The following ZNF142 variants were observed in gnomAD, a reference collection of about 807,000 sequenced individuals.
ZNF142 encodes zinc finger protein 142 (clone pHZ-49).
Under a neutral mutation model 132.1 loss-of-function variants are expected in ZNF142, and 96 were observed. The observed-to-expected ratio is 0.73, with a 90% CI of 0.62 to 0.86. The LOEUF is 0.86. ZNF142 is among the 40% of genes least tolerant of loss of function. ZNF142 has a pLI of 0.00. For missense variants in ZNF142, 2,163 were observed against 2,336.2 expected, an observed-to-expected ratio of 0.93 and a Z score of 1.53; for synonymous variants, 842 against 890.1, an observed-to-expected ratio of 0.95 and a Z score of 0.96.
At chr2:218,655,483 T>G (rs1938397254) in intron 4 of ZNF142, among the ~76,000 whole-genome samples, 1 of 152,202 alleles carries the variant, frequency 6.6e-6, no homozygotes, top group Non-Finnish European at 1.5e-5. Context: ...TTGTTTTGTT[T>G]TGTTTTTTTA....
chr2:218,636,129 T>C lies in ZNF142; in HGVS notation c.*2210A>G. On this transcript the variant is annotated 3_prime_UTR_variant, in exon 11 of 11. Coordinates refer to ENST00000411696, the MANE Select transcript of ZNF142 (RefSeq NM_001379659.1). ...ATTACTTGCTTACTCTGAGCCTTTT[T>C]CCTTACCTGTAAAATGCTGATTGCC... 7.1e-7 allele frequency: 1 copy of C among 1,400,106 alleles called. No homozygotes were observed. The highest frequency in any genetic ancestry group is 2.3e-5 in the East Asian group (1 of 43,704). The allele number at this position is 1,400,106 out of a possible 1,614,324, so 86.7% of individuals were successfully genotyped here.
chr2:218,644,136 A>G lies in ZNF142; in HGVS notation c.2980T>C (p.Leu994=), dbSNP rs1377864201. The part of the protein sequence containing the change: ...KTTPPAETAP[L]PPLPESESLL... ...GACTCTGACTCAGGTAATGGGGGCA[A>G]GGGTGCTGTCTCAGCAGGTGGAGTT... The change falls in exon 9 of 11, where the codon TTG becomes CTG. Residue 994 remains leucine, a synonymous_variant. Transcript: ENST00000411696. This position sits in a 1 kb window ranked among gnomAD's most constrained non-coding sequence, Gnocchi z 4.6. 3 of 1,614,130 alleles carry G rather than the reference A, an allele frequency of 1.9e-6. No individual in the cohort carries two copies. The South Asian group carries it at 3.3e-5, about 18-fold the overall frequency.
At chr2:218,656,118 TC>T in intron 4 of ZNF142, 31 bp downstream of exon 4, 1 of 1,470,398 alleles carries the variant, frequency 6.8e-7, no homozygotes, top group Non-Finnish European at 9.1e-7. Flanking sequence ...GAGCTGCTTG[TC>T]CCACTGGCCT....
chr2:218,645,953 G>A lies in ZNF142; in HGVS notation c.2051+218C>T, dbSNP rs150654162. On this transcript the variant is annotated intron_variant, in intron 8 of 10. Coordinates refer to ENST00000411696, the MANE Select transcript of ZNF142 (RefSeq NM_001379659.1). ...ATTTTTGTAGTTTTAGTAGAGATGG[G>A]GTGTTGCCCAGATGGCCTTGAACTC... Among the ~76,000 whole-genome samples, 375 of 152,218 alleles carry A rather than the reference G, an allele frequency of 2.5e-3. 2 individuals carry two copies. Among genetic ancestry groups the A allele is most frequent in the African/African-American group, 8.5e-3 (352 of 41,540 alleles).
intron 8 of ZNF142, among the ~76,000 whole-genome samples, chr2:218,645,659 G>C (rs1289972020): frequency 6.6e-6 from 1 of 152,218 alleles, no homozygotes. Context: ...AGAGCCCAGA[G>C]AGTGCTCGCT....
At position 218,635,876 on chromosome 2, in the gene ZNF142, C is replaced by G; in HGVS notation, c.*2463G>C. 1 of 1,613,970 alleles carries G rather than the reference C, an allele frequency of 6.2e-7. No homozygotes were observed. On this transcript the variant is annotated 3_prime_UTR_variant, in exon 11 of 11. Coordinates refer to ENST00000411696, the MANE Select transcript of ZNF142 (RefSeq NM_001379659.1). ...TGGATCCACTGGTGAAAGTGCAGATCTTTGGCGTTCGTCTAGACACAGCAC... is the reference window on the plus strand; with the variant it reads ...TGGATCCACTGGTGAAAGTGCAGATGTTTGGCGTTCGTCTAGACACAGCAC...
chr2:218,653,065 G>C (rs1938157102), intron 4 of ZNF142, among the ~76,000 whole-genome samples: 1 of 152,058 alleles, frequency 6.6e-6, no homozygotes, highest in South Asian at 2.1e-4. Flanking sequence ...AGGATCATGA[G>C]GTCAGGAGAT....
rs1453046090 is a variant in ZNF142 at position 218,637,384 on chromosome 2, T to A, written c.*955A>T. ...AAAGGTTATGTGGTCCCAGCCTTCC[T>A]GAAGAGTCTGGCTGGAACCATCCTG... On this transcript the variant is annotated 3_prime_UTR_variant, in exon 11 of 11. Coordinates refer to ENST00000411696, the MANE Select transcript of ZNF142 (RefSeq NM_001379659.1). Among the ~76,000 whole-genome samples, 2 of 152,228 alleles carry A rather than the reference T, an allele frequency of 1.3e-5. No homozygotes were observed. The highest frequency in any genetic ancestry group is 1.5e-5 in the Non-Finnish European group (1 of 68,040).
In ZNF142 at chr2:218,633,947, A is replaced by G; in HGVS notation, c.*4392T>C. The G allele has an allele frequency of 8.2e-7, 1 of 1,225,644 alleles. No individual in the cohort carries two copies. The highest frequency in any genetic ancestry group is 1.1e-6 in the Non-Finnish European group (1 of 878,948). 75.9% of individuals were successfully genotyped at this position (1,225,644 alleles called of 1,614,324 possible). A position where few individuals can be genotyped will look rare whatever the true frequency, so the allele number is the denominator to read the frequency against. On this transcript the variant is annotated 3_prime_UTR_variant, in exon 11 of 11. Transcript: ENST00000411696. ...GTGGCTCAAGGGTCTAGGGGCAGGAAAGCTGGTCTGGATGGACAGAGTAGA... is the reference window on the plus strand; with the variant it reads ...GTGGCTCAAGGGTCTAGGGGCAGGAGAGCTGGTCTGGATGGACAGAGTAGA...
chr2:218,646,042 T>C (rs1697697027), intron 8 of ZNF142, 129 bp downstream of exon 8: 12 of 1,295,228 alleles, frequency 9.3e-6, no homozygotes, highest in Non-Finnish European at 1.2e-5. Flanking sequence ...TGTGAGCCAT[T>C]GCACCCGGCC....
In ZNF142 at chr2:218,634,366, T is replaced by C. The variant is rs1696585771; in HGVS notation, c.*3973A>G. 6.4e-7 allele frequency: 1 copy of C among 1,559,408 alleles called. No homozygotes were observed. The highest frequency in any genetic ancestry group is 1.4e-5 in the African/African-American group (1 of 73,932). On this transcript the variant is annotated 3_prime_UTR_variant, in exon 11 of 11. Coordinates refer to ENST00000411696, the MANE Select transcript of ZNF142 (RefSeq NM_001379659.1). This position sits in a 1 kb window ranked among gnomAD's most constrained non-coding sequence, Gnocchi z 4.0. The stretch of plus-strand genomic sequence containing the variant: ...CAGTGGATATTACCAGCAGGTACCG[T>C]GCACCCAGTACCTATCTTCTTAACT...
chr2:218,648,695 C>T lies in ZNF142; in HGVS notation c.1813G>A (p.Glu605Lys). Reference protein sequence around the residue: ...HAHEKIHQCPECNFATAHKRV... With the variant: ...HAHEKIHQCPKCNFATAHKRV... ...TTGTGGGCAGTGGCAAAGTTGCACTCAGGACACTGGTGGATCTTTTCATGA... is the reference window on the plus strand; with the variant it reads ...TTGTGGGCAGTGGCAAAGTTGCACTTAGGACACTGGTGGATCTTTTCATGA... The change falls in exon 7 of 11, where the codon GAG becomes AAG. Residue 605 changes from glutamate to lysine, a missense_variant. Coordinates refer to ENST00000411696, the MANE Select transcript of ZNF142 (RefSeq NM_001379659.1). 1 of 1,614,280 alleles carries T rather than the reference C, an allele frequency of 6.2e-7. No individual in the cohort carries two copies. The highest frequency in any genetic ancestry group is 8.5e-7 in the Non-Finnish European group (1 of 1,180,058).
At position 218,635,709 on chromosome 2, in the gene ZNF142, A is replaced by G; in HGVS notation, c.*2630T>C. On this transcript the variant is annotated 3_prime_UTR_variant, in exon 11 of 11. Transcript: ENST00000411696. ...CATGGAGGATGTTTTACAAACCAAAAAGCTTCTTCTCCCCTGGGGTTGGGA... is the reference window on the plus strand; with the variant it reads ...CATGGAGGATGTTTTACAAACCAAAGAGCTTCTTCTCCCCTGGGGTTGGGA... 4.0e-6 allele frequency: 6 copies of G among 1,487,490 alleles called. No individual in the cohort carries two copies. The highest frequency in any genetic ancestry group is 5.4e-6 in the Non-Finnish European group (6 of 1,115,862). 92.1% of individuals were successfully genotyped at this position (1,487,490 alleles called of 1,614,324 possible).
chr2:218,648,581 A>C (rs1373613790), intron 7 of ZNF142, 54 bp downstream of exon 7: 1 of 1,538,254 alleles, frequency 6.5e-7, no homozygotes, highest in Non-Finnish European at 8.9e-7. Context: ...CTTTGTAGCC[A>C]GTATCACCAC....
In ZNF142 at chr2:218,644,730, G is replaced by A. The variant is rs1415742467; in HGVS notation, c.2386C>T (p.His796Tyr). The change falls in exon 9 of 11, where the codon CAT (histidine) becomes TAT (tyrosine). Residue 796 changes from histidine (H) to tyrosine (Y), a missense_variant. This residue lies in a region of ZNF142 where 749 missense variants were observed against 830.3 expected (regional missense o/e 0.90). Transcript: ENST00000411696. The surrounding 1 kb of genome is among the most constrained non-coding windows in gnomAD (Gnocchi z 4.6). ...GCCTGGTCTCCAGGTACATAGCCAT[G>A]GGCCTTGCGTTTATGGAACAAGAGT... ...TTLLFHKRKA[H>Y]GYVPGDQAWQ... The A allele has an allele frequency of 1.9e-6, 3 of 1,614,246 alleles. No homozygotes were observed. Among genetic ancestry groups the A allele is most frequent in the Middle Eastern group, 1.6e-4 (1 of 6,062 alleles).
At position 218,642,862 on chromosome 2, in the gene ZNF142, G is replaced by A. The variant is rs372889304; in HGVS notation, c.4254C>T (p.His1418=). The part of the protein sequence containing the change: ...STTRRYRLEA[H]QSRHTGIGRI... ...GGCCAATGCCTGTGTGTCGGGACTGGTGAGCCTCTAACCGGTACCGTCTGG... is the reference window on the plus strand; with the variant it reads ...GGCCAATGCCTGTGTGTCGGGACTGATGAGCCTCTAACCGGTACCGTCTGG... The change falls in exon 9 of 11, where the codon CAC becomes CAT. Residue 1418 remains histidine (H), a synonymous_variant. Coordinates refer to ENST00000411696, the MANE Select transcript of ZNF142 (RefSeq NM_001379659.1). The surrounding 1 kb of genome is among the most constrained non-coding windows in gnomAD (Gnocchi z 4.6). 62 of 1,614,198 alleles carry A rather than the reference G, an allele frequency of 3.8e-5. No individual in the cohort carries two copies. The highest frequency in any genetic ancestry group is 5.1e-5 in the Non-Finnish European group (60 of 1,180,042).
Position 218,636,167 on chromosome 2 carries a change from T to G in ZNF142, c.*2172A>C. ...AATGCTGATTGCCATCTAGATTAAA[T>G]GAGAACACAAGAAAAGCAACCCAGT... On this transcript the variant is annotated 3_prime_UTR_variant, in exon 11 of 11. Coordinates refer to ENST00000411696, the MANE Select transcript of ZNF142 (RefSeq NM_001379659.1). 10 of 1,498,462 alleles carry G rather than the reference T, an allele frequency of 6.7e-6. No individual in the cohort carries two copies. Among genetic ancestry groups the G allele is most frequent in the African/African-American group, 1.4e-5 (1 of 72,480 alleles). The allele number at this position is 1,498,462 out of a possible 1,614,324, so 92.8% of individuals were successfully genotyped here.
chr2:218,634,404 G>A lies in ZNF142; in HGVS notation c.*3935C>T. ...TATCTTCTTAACTCCCTGAAAGAGG[G>A]GCTGGAAGGCCTCCATGGTGAATCT... On this transcript the variant is annotated 3_prime_UTR_variant, in exon 11 of 11. Transcript: ENST00000411696. This position sits in a 1 kb window ranked among gnomAD's most constrained non-coding sequence, Gnocchi z 4.0. 1 of 1,585,930 alleles carries A rather than the reference G, an allele frequency of 6.3e-7. No homozygotes were observed. The highest frequency in any genetic ancestry group is 8.6e-7 in the Non-Finnish European group (1 of 1,165,196).
intron 5 of ZNF142, among the ~76,000 whole-genome samples, 182 bp from the exon 6 acceptor site, chr2:218,650,708 A>C (rs1937904366): frequency 6.6e-6 from 1 of 152,256 alleles, no homozygotes; most frequent in Admixed American, 6.5e-5. Context: ...GAGCTAAGTT[A>C]TTAGCAATGT....
Sources: gnomAD v4.1 joint callset for allele counts (sites outside exome capture counted in the v4.1 genomes callset) on GRCh38, gnomAD v4.1.1 for gene constraint, gnomAD v4.1.1 regional missense constraint, Gnocchi (gnomAD v3.1) non-coding constraint, MANE v1.5 for transcripts, NCBI Gene and HGNC (gene_info 2026-07-23, HGNC 2026-07-21) for gene names.